Variants in CSMD1 observed in about 807,000 individuals in gnomAD.
The protein encoded by CSMD1 is CUB and sushi domain-containing protein 1.
CSMD1 carries 213 observed loss-of-function variants against 417.5 expected under a neutral mutation model. The ratio of observed to expected loss-of-function variants is 0.51; its 90% CI spans 0.46 to 0.57. The LOEUF (loss-of-function observed/expected upper bound fraction) is 0.57. CSMD1 is among the 20% of genes least tolerant of loss of function. CSMD1 has a pLI of 0.00. For missense variants in CSMD1, 6,923 were observed against 4,529.7 expected (o/e 1.53, Z -15.17); for synonymous variants, 2,862 against 1,736.8 (o/e 1.65, Z -16.11).
chr8:3,339,475 A>C (rs912491138), intron 23 of CSMD1, among the ~76,000 whole-genome samples: 3 of 152,200 alleles, frequency 2.0e-5, no homozygotes, highest in Admixed American at 1.3e-4. Flanking sequence ...TTCTGGTTCC[A>C]TCGGTGTACC....
At chr8:4,041,848 G>A (rs1330447209) in intron 3 of CSMD1, among the ~76,000 whole-genome samples, 1 of 152,052 alleles carries the variant, frequency 6.6e-6, no homozygotes, top group Non-Finnish European at 1.5e-5. Flanking sequence ...AACATCTAGA[G>A]TTAAAACCAT....
chr8:4,910,957 G>A (rs189414085), intron 1 of CSMD1, among the ~76,000 whole-genome samples: 3 of 152,226 alleles, frequency 2.0e-5, no homozygotes, highest in Non-Finnish European at 2.9e-5. Context: ...CTCACCTAGT[G>A]AATAAGCCTC....
At chr8:3,309,588 T>G (rs1214262672) in intron 23 of CSMD1, among the ~76,000 whole-genome samples, 1 of 152,194 alleles carries the variant, frequency 6.6e-6, no homozygotes, top group African/African-American at 2.4e-5. Context: ...GTAACATATT[T>G]CTATTCATAT....
At chr8:4,346,614 C>A (rs1317275049) in intron 3 of CSMD1, among the ~76,000 whole-genome samples, 1 of 152,104 alleles carries the variant, frequency 6.6e-6, no homozygotes. Context: ...CAGCAGGAAT[C>A]AAATTTAAAA....
chr8:3,125,376 G>A (rs1817448104), intron 41 of CSMD1, among the ~76,000 whole-genome samples: 1 of 152,210 alleles, frequency 6.6e-6, no homozygotes, highest in African/African-American at 2.4e-5. Flanking sequence ...ATCACGCATG[G>A]CCTTCTTGCT....
At chr8:3,460,714 A>C in intron 12 of CSMD1, among the ~76,000 whole-genome samples, 1 of 152,352 alleles carries the variant, frequency 6.6e-6, no homozygotes, top group South Asian at 2.1e-4. Flanking sequence ...GTCGCTAAGA[A>C]GAAATAACAC....
chr8:3,090,734 A>G (rs944737534), intron 48 of CSMD1, among the ~76,000 whole-genome samples: 2 of 152,220 alleles, frequency 1.3e-5, no homozygotes, highest in Non-Finnish European at 2.9e-5. Flanking sequence ...AAAGCTGTCA[A>G]GGGCATTGCT....
intron 3 of CSMD1, among the ~76,000 whole-genome samples, chr8:4,136,153 T>C (rs1031998924): frequency 3.3e-5 from 5 of 152,200 alleles, no homozygotes. Context: ...ATAACTATAC[T>C]GTTTTCTTAG....
chr8:4,906,200 T>G (rs888140170), intron 1 of CSMD1, among the ~76,000 whole-genome samples: 1 of 152,210 alleles, frequency 6.6e-6, no homozygotes, highest in Non-Finnish European at 1.5e-5. Context: ...AATCACCCTT[T>G]CACTAGCAGA....
chr8:4,369,783 T>C (rs1156653946), intron 3 of CSMD1, among the ~76,000 whole-genome samples: 1 of 152,226 alleles, frequency 6.6e-6, no homozygotes, highest in Admixed American at 6.5e-5. Context: ...TCTGTTTGCC[T>C]GATAGATCTT....
At chr8:4,603,661 G>T (rs949695396) in intron 2 of CSMD1, among the ~76,000 whole-genome samples, 11 of 152,114 alleles carry the variant, frequency 7.2e-5, no homozygotes, top group African/African-American at 2.4e-4. Flanking sequence ...TTAAAATGAC[G>T]TGGGTTTCTG....
intron 1 of CSMD1, among the ~76,000 whole-genome samples, chr8:4,720,935 C>G (rs948466230): frequency 9.9e-5 from 15 of 152,126 alleles, no homozygotes; most frequent in African/African-American, 3.4e-4. Context: ...CGTGAATCTA[C>G]AATTCACCAG....
At chr8:3,485,755 G>T (rs1253916820) in intron 11 of CSMD1, among the ~76,000 whole-genome samples, 2 of 127,480 alleles carry the variant, frequency 1.6e-5, no homozygotes, top group Admixed American at 8.1e-5. Flanking sequence ...GCGAGACTCA[G>T]CCTCAAAAAA....
chr8:4,730,584 C>G (rs1354021468), intron 1 of CSMD1, among the ~76,000 whole-genome samples: 1 of 151,482 alleles, frequency 6.6e-6, no homozygotes, highest in African/African-American at 2.4e-5. Flanking sequence ...ACTAAAAATA[C>G]AAAAAAATTA....
intron 2 of CSMD1, among the ~76,000 whole-genome samples, chr8:4,436,258 A>G (rs1033572412): frequency 2.6e-5 from 4 of 152,162 alleles, no homozygotes. Context: ...CTTAAATAAA[A>G]ATATTTTAAT....
At chr8:4,633,869 G>T (rs1426553377) in intron 2 of CSMD1, among the ~76,000 whole-genome samples, 2 of 151,934 alleles carry the variant, frequency 1.3e-5, no homozygotes, top group African/African-American at 4.8e-5. Flanking sequence ...CCCAAGACAT[G>T]TTAAAAAATA....
At chr8:3,024,005 A>T (rs2128973256) in intron 51 of CSMD1, among the ~76,000 whole-genome samples, 1 of 152,178 alleles carries the variant, frequency 6.6e-6, no homozygotes, top group East Asian at 1.9e-4. Flanking sequence ...AGTGTGGAAA[A>T]TTGGCCTTAC....
chr8:4,784,618 C>T lies in CSMD1; in HGVS notation c.86-147060G>A, dbSNP rs535766675. On this transcript the variant is annotated intron_variant, in intron 1 of 69. Transcript: ENST00000635120. Reference sequence around the variant, plus strand: ...CTTACTGTTAAATTTCTTTTTTCACCGATGGTTTTAAATATCCATTATGCC... The same window carrying T: ...CTTACTGTTAAATTTCTTTTTTCACTGATGGTTTTAAATATCCATTATGCC... 3.9e-5 allele frequency among the ~76,000 whole-genome samples: 6 copies of T among 152,096 alleles called. No individual in the cohort carries two copies. In the East Asian group the frequency reaches 7.7e-4, roughly 20 times the overall value.
chr8:4,190,230 G>C (rs532299222), intron 3 of CSMD1, among the ~76,000 whole-genome samples: 1 of 134,034 alleles, frequency 7.5e-6, no homozygotes, highest in African/African-American at 2.9e-5. Flanking sequence ...CTGCCCTCCA[G>C]CCTGGGCAAC....
Sources: allele counts gnomAD v4.1 joint callset (sites outside exome capture counted in the v4.1 genomes callset), GRCh38; gene constraint gnomAD v4.1.1; transcripts MANE v1.5; gene names NCBI Gene and HGNC (gene_info 2026-07-23, HGNC 2026-07-21).